The following ADAM2 variants were observed in gnomAD, a reference collection of about 807,000 sequenced individuals.
The protein encoded by ADAM2 is ADAM metallopeptidase domain 2, also known as disintegrin and metalloproteinase domain-containing protein 2.
In ADAM2, 101 loss-of-function variants were observed where a neutral mutation model predicts 99.3. The observed-to-expected ratio is 1.02, with a 90% CI of 0.87 to 1.20. The LOEUF (loss-of-function observed/expected upper bound fraction) is 1.20, where lower values mean the gene tolerates loss of function less well. ADAM2 is among the 50% of genes most tolerant of loss of function. ADAM2 has a pLI of 0.00. For missense variants in ADAM2, 948 were observed against 878.7 expected (o/e 1.08, Z -1.00); for synonymous variants, 323 against 287.6 (o/e 1.12, Z -1.25).
At chr8:39,767,310 C>T in intron 12 of ADAM2, 59 bp from the exon 13 acceptor site, 1 of 1,393,686 alleles carries the variant, frequency 7.2e-7, no homozygotes, top group Non-Finnish European at 1.0e-6. Context: ...ATTGGACAGG[C>T]ATGTTCATAA....
At chr8:39,815,112 G>T (rs973339271) in intron 6 of ADAM2, among the ~76,000 whole-genome samples, 1 of 152,014 alleles carries the variant, frequency 6.6e-6, no homozygotes, top group Non-Finnish European at 1.5e-5. Context: ...GACAGAAACT[G>T]CATTTTTGTG....
At chr8:39,806,785 A>G (rs532052351) in intron 7 of ADAM2, among the ~76,000 whole-genome samples, 2 of 152,276 alleles carry the variant, frequency 1.3e-5, no homozygotes, top group African/African-American at 4.8e-5. Flanking sequence ...TGTTCTAAGG[A>G]GAACCCTAAG....
intron 10 of ADAM2, among the ~76,000 whole-genome samples, chr8:39,785,956 T>C (rs1803450775): frequency 6.6e-6 from 1 of 152,068 alleles, no homozygotes; most frequent in African/African-American, 2.4e-5. Context: ...ATGTGATACA[T>C]ATAAACCATG....
intron 7 of ADAM2, among the ~76,000 whole-genome samples, chr8:39,795,632 T>C (rs1255619540): frequency 6.6e-6 from 1 of 152,146 alleles, no homozygotes; most frequent in Non-Finnish European, 1.5e-5. Flanking sequence ...ATGTATTATG[T>C]CTCCCTAAAA....
At chr8:39,796,080 C>G (rs1028859398) in intron 7 of ADAM2, among the ~76,000 whole-genome samples, 1 of 148,822 alleles carries the variant, frequency 6.7e-6, no homozygotes, top group Non-Finnish European at 1.5e-5. Flanking sequence ...ATTTCTTCTT[C>G]TAAAAAAAAA....
chr8:39,760,995 G>A (rs1465350145), intron 15 of ADAM2, among the ~76,000 whole-genome samples, 181 bp downstream of exon 15: 1 of 151,070 alleles, frequency 6.6e-6, no homozygotes, highest in African/African-American at 2.4e-5. Context: ...TTGTGGAAAA[G>A]TACAAGGGAT....
At chr8:39,772,887 T>A (rs1302871740) in intron 11 of ADAM2, among the ~76,000 whole-genome samples, 1 of 151,922 alleles carries the variant, frequency 6.6e-6, no homozygotes, top group African/African-American at 2.4e-5. Context: ...ATATAACCTA[T>A]ATTTAAATAT....
At chr8:39,785,224 T>G (rs1343831414) in intron 10 of ADAM2, among the ~76,000 whole-genome samples, 1 of 152,228 alleles carries the variant, frequency 6.6e-6, no homozygotes, top group African/African-American at 2.4e-5. Flanking sequence ...AGTTAATTTT[T>G]GCATATGGTG....
rs147069631 is a variant in ADAM2 at position 39,749,416 on chromosome 8, G to A, written c.1910C>T (p.Ala637Val). ...CNNKKHCHCS[A>V]SYLPPDCSVQ... ...TGAGCAATCTGGAGGTAAATATGAA[G>A]CACTACAGTGACAGTGCTTTTTGTT... Residue 637 changes from alanine to valine, a missense_variant, in exon 18 of 21, where the codon GCT becomes GTT. Transcript: ENST00000265708. The A allele has an allele frequency of 6.2e-4, 1,008 of 1,613,260 alleles. 6 individuals carry two copies. The highest frequency in any genetic ancestry group is 4.1e-3 in the Middle Eastern group (25 of 6,060).
At chr8:39,788,301 A>C in intron 8 of ADAM2, 50 bp from the exon 9 acceptor site, 1 of 1,200,918 alleles carries the variant, frequency 8.3e-7, no homozygotes, top group Non-Finnish European at 1.1e-6. Context: ...AGTTTTTAAA[A>C]ATTAGATATA....
At chr8:39,758,032 TG>T (rs1206908093) in intron 15 of ADAM2, among the ~76,000 whole-genome samples, 2 of 152,322 alleles carry the variant, frequency 1.3e-5, no homozygotes, top group East Asian at 3.9e-4. Flanking sequence ...AGCAAATTTC[TG>T]TGCATTTGGA....
intron 16 of ADAM2, among the ~76,000 whole-genome samples, chr8:39,755,422 C>A (rs1802108378): frequency 6.6e-6 from 1 of 152,184 alleles, no homozygotes; most frequent in South Asian, 2.1e-4. Context: ...CGCCTGTAAT[C>A]CCAGCACTTC....
At position 39,752,651 on chromosome 8, in the gene ADAM2, G is replaced by C. The variant is rs539594675; in HGVS notation, c.1798-2907C>G. Reference sequence around the variant, plus strand: ...GACACCTGGGGCAAAAGATTACGGTGGAGATGTAATTGTAGCTCCCACAAT... The same window carrying C: ...GACACCTGGGGCAAAAGATTACGGTCGAGATGTAATTGTAGCTCCCACAAT... On this transcript the variant is annotated intron_variant, in intron 16 of 20. Coordinates refer to ENST00000265708, the MANE Select transcript of ADAM2 (RefSeq NM_001464.5). 3.3e-5 allele frequency among the ~76,000 whole-genome samples: 5 copies of C among 152,308 alleles called. No homozygotes were observed. In the East Asian group the frequency reaches 9.6e-4, roughly 29 times the overall value.
At chr8:39,819,865 T>C (rs62511205) in intron 6 of ADAM2, among the ~76,000 whole-genome samples, 1,152 of 2,362 alleles carry the variant, frequency 0.49, 8 homozygotes, top group Middle Eastern at 0.5. Context: ...CTCCTATTGG[T>C]TTTCTATTCT....
At position 39,746,645 on chromosome 8, in the gene ADAM2, A is replaced by G. The variant is rs1403213346; in HGVS notation, c.2015-14T>C. On this transcript the variant is annotated splice_polypyrimidine_tract_variant and intron_variant, in intron 18 of 20. Coordinates refer to ENST00000265708, the MANE Select transcript of ADAM2 (RefSeq NM_001464.5). ...TGTAGCGCCTTTCTAGAAGAAAAAA[A>G]AATCAAAGATTTGAAAGCAAGCACC... The G allele has an allele frequency of 1.9e-6, 3 of 1,552,908 alleles. No individual in the cohort carries two copies. In the East Asian group the frequency reaches 7.1e-5, roughly 37 times the overall value.
At chr8:39,830,250 T>C (rs1805562832) in intron 3 of ADAM2, among the ~76,000 whole-genome samples, 1 of 152,152 alleles carries the variant, frequency 6.6e-6, no homozygotes, top group Non-Finnish European at 1.5e-5. Context: ...ACTCTTGATA[T>C]TGAAATGACA....
At position 39,749,687 on chromosome 8, in the gene ADAM2, C is replaced by A; in HGVS notation, c.1855G>T (p.Asp619Tyr). Residue 619 changes from aspartate (D) to tyrosine (Y), a missense_variant, in exon 17 of 21, where the codon GAC becomes TAC. Coordinates refer to ENST00000265708, the MANE Select transcript of ADAM2 (RefSeq NM_001464.5). The stretch of plus-strand genomic sequence containing the variant: ...CTTACACCTCTATCATTGCATTTGT[C>A]AGTAGTACAATCATAACCCAAGTAT... ...SSYLGYDCTT[D>Y]KCNDRGVCNN... The A allele has an allele frequency of 1.2e-6, 2 of 1,611,718 alleles. No individual in the cohort carries two copies. Among genetic ancestry groups the A allele is most frequent in the South Asian group, 2.2e-5 (2 of 90,778 alleles).
chr8:39,812,126 C>T (rs1431566079), intron 6 of ADAM2, among the ~76,000 whole-genome samples: 5 of 151,944 alleles, frequency 3.3e-5, no homozygotes, highest in Non-Finnish European at 7.4e-5. Flanking sequence ...CATTCCTATA[C>T]AATAACAGAC....
At chr8:39,836,818 C>A (rs1431750701) in intron 2 of ADAM2, among the ~76,000 whole-genome samples, 1 of 152,126 alleles carries the variant, frequency 6.6e-6, no homozygotes, top group East Asian at 1.9e-4. Flanking sequence ...ACAAAAAATT[C>A]CTCCAAATAC....
Sources: allele counts gnomAD v4.1 joint callset (sites outside exome capture counted in the v4.1 genomes callset), GRCh38; gene constraint gnomAD v4.1.1; transcripts MANE v1.5; gene names NCBI Gene and HGNC (gene_info 2026-07-23, HGNC 2026-07-21).